Variants in MCM10 observed in about 807,000 individuals in gnomAD.
The protein encoded by MCM10 is minichromosome maintenance 10 replication initiation factor.
In MCM10, 91 loss-of-function variants were observed where a neutral mutation model predicts 109.9. That is an observed-to-expected ratio of 0.83 (90% CI 0.70 to 0.99). The LOEUF (loss-of-function observed/expected upper bound fraction) is 0.99, where lower values mean the gene tolerates loss of function less well. Ranked by LOEUF, MCM10 falls within the 50% of genes least tolerant of loss-of-function variation. The pLI is 0.00. For synonymous variants in MCM10, 380 were observed against 387.2 expected (o/e 0.98, Z 0.22); for missense variants, 1,077 against 1,061.2 (o/e 1.01, Z -0.21).
At chr10:13,163,150 G>A (rs1377944065) in intron 1 of MCM10, among the ~76,000 whole-genome samples, 3 of 151,420 alleles carry the variant, frequency 2.0e-5, no homozygotes, top group Non-Finnish European at 4.4e-5. Flanking sequence ...ACCAGCCTGG[G>A]CAACATGGCG....
At chr10:13,178,795 G>A (rs1834173216) in intron 6 of MCM10, among the ~76,000 whole-genome samples, 1 of 152,190 alleles carries the variant, frequency 6.6e-6, no homozygotes. Context: ...GATTGCTTTG[G>A]ATTGTATGGA....
chr10:13,196,482 G>A (rs1441790338), intron 14 of MCM10, among the ~76,000 whole-genome samples: 1 of 151,462 alleles, frequency 6.6e-6, no homozygotes, highest in Non-Finnish European at 1.5e-5. Context: ...TGATATGTGT[G>A]TGCCATGTAT....
intron 5 of MCM10, among the ~76,000 whole-genome samples, chr10:13,174,769 A>G (rs200564304): frequency 1.3e-5 from 2 of 152,178 alleles, no homozygotes; most frequent in East Asian, 3.9e-4. Flanking sequence ...CTGTAAGTCC[A>G]AGAAATGGTC....
intron 10 of MCM10, among the ~76,000 whole-genome samples, chr10:13,190,819 G>A (rs562274984): frequency 1.3e-5 from 2 of 148,370 alleles, no homozygotes; most frequent in East Asian, 1.9e-4. Flanking sequence ...TTTTTTTCCA[G>A]TGTAAAATAA....
rs1834514415 is a variant in MCM10, at chr10:13,202,571, T to TACC, written c.2352+1042_2352+1044dup. Among the ~76,000 whole-genome samples the TACC allele has an allele frequency of 1.3e-5, 2 of 152,200 alleles. 1 individual carries two copies. The highest frequency in any genetic ancestry group is 3.8e-4 in the East Asian group (2 of 5,198). ...ATTTGGGGGTCAGCTCCAAATCAGC[T>TACC]ACCACCAAAAGTAGGGCTTCCTTGA... On this transcript the variant is annotated intron_variant, in intron 17 of 19. Coordinates refer to ENST00000378714, the MANE Select transcript of MCM10 (RefSeq NM_018518.5).
intron 7 of MCM10, 133 bp downstream of exon 7, chr10:13,180,740 ACAT>A (rs145923723): frequency 0.016 from 16,108 of 1,027,888 alleles, 186 homozygotes; most frequent in Non-Finnish European, 0.021. Flanking sequence ...GAATCACCAC[ACAT>A]CATTGAGTTG....
intron 5 of MCM10, among the ~76,000 whole-genome samples, chr10:13,173,762 C>T (rs1284494831): frequency 6.6e-6 from 1 of 152,124 alleles, no homozygotes; most frequent in Non-Finnish European, 1.5e-5. Context: ...GGACCTTTGG[C>T]ATTACTAGGG....
chr10:13,189,542 C>G (rs981555326), intron 10 of MCM10, among the ~76,000 whole-genome samples: 1 of 152,120 alleles, frequency 6.6e-6, no homozygotes, highest in Non-Finnish European at 1.5e-5. Context: ...AGGCTGGTCT[C>G]GAAATCCTGA....
chr10:13,197,772 T>C lies in MCM10; in HGVS notation c.2119+5T>C. ...ACACCATGTTTTCTTCTCAAGGTAC[T>C]GCAGTTTCACAGTTAACAGTGGGAA... is the stretch of plus-strand genomic sequence containing the variant. On this transcript the variant is annotated splice_donor_5th_base_variant and intron_variant, in intron 15 of 19. Transcript: ENST00000378714. The C allele has an allele frequency of 4.4e-6, 7 of 1,607,354 alleles. No individual in the cohort carries two copies. The highest frequency in any genetic ancestry group is 5.1e-6 in the Non-Finnish European group (6 of 1,178,502).
intron 1 of MCM10, among the ~76,000 whole-genome samples, chr10:13,163,421 G>T (rs181574680): frequency 1.2e-4 from 18 of 152,306 alleles, no homozygotes; most frequent in African/African-American, 4.3e-4. Flanking sequence ...TTAAATAAGA[G>T]CCTAGAAAAA....
At position 13,192,555 on chromosome 10, in the gene MCM10, G is replaced by T; in HGVS notation, c.1732G>T (p.Glu578Ter). Residue 578 changes from glutamate (E) to a stop codon, truncating the protein, a stop_gained, in exon 13 of 20, where the codon GAA (glutamate) becomes TAA (stop). Transcript: ENST00000378714. LOFTEE classifies it high-confidence loss of function. ...GGAGATGAGGAGAAGGAAATCAGAA[G>T]AAATACAGAAGCGGTAAGAGGAGCA... ...MLEMRRRKSE[E>*]IQKRFLQSSS... 6.2e-7 allele frequency: 1 copy of T among 1,614,126 alleles called. No homozygotes were observed. Among genetic ancestry groups the T allele is most frequent in the South Asian group, 1.1e-5 (1 of 91,078 alleles).
intron 16 of MCM10, among the ~76,000 whole-genome samples, chr10:13,200,807 A>G (rs1368120961): frequency 3.3e-5 from 5 of 152,230 alleles, no homozygotes; most frequent in African/African-American, 1.2e-4. Flanking sequence ...TGACATACTG[A>G]TACTGTCATG....
intron 1 of MCM10, among the ~76,000 whole-genome samples, chr10:13,162,325 ATT>A (rs907661874): frequency 3.9e-5 from 6 of 152,092 alleles, no homozygotes; most frequent in African/African-American, 1.4e-4. Flanking sequence ...GGCTTTGTAG[ATT>A]TTTTCTAAGG....
chr10:13,189,068 A>G lies in MCM10; in HGVS notation c.1403A>G (p.Tyr468Cys). The change falls in exon 10 of 20, where the codon TAT (tyrosine) becomes TGT (cysteine). Residue 468 changes from tyrosine to cysteine, a missense_variant. By Grantham distance (194) the Tyr-to-Cys change is radical (BLOSUM62 -2). Transcript: ENST00000378714. ...TACGGAGGGGTTTCTTCTGCCTCGT[A>G]TGCAGCTTCAATGTAAGACGTTCTC... ...FYYGGVSSAS[Y>C]AASIAAAVAP... 6.2e-7 allele frequency: 1 copy of G among 1,614,224 alleles called. No homozygotes were observed.
intron 9 of MCM10, among the ~76,000 whole-genome samples, chr10:13,187,899 C>G (rs1476053092): frequency 6.6e-6 from 1 of 152,122 alleles, no homozygotes; most frequent in African/African-American, 2.4e-5. Context: ...AATCCCTGCA[C>G]TTTGGGTGGC....
In MCM10 at chr10:13,181,823, G is replaced by A. The variant is rs73577676; in HGVS notation, c.931-1110G>A. 3.9e-3 allele frequency among the ~76,000 whole-genome samples: 599 copies of A among 152,168 alleles called. 9 individuals carry two copies. The highest frequency in any genetic ancestry group is 0.014 in the African/African-American group (579 of 41,520). Reference sequence around the variant, plus strand: ...GTAATGACATAATAATAATAGACACGAGAATTTATCTGAACTCTTCCAAGA... The same window carrying A: ...GTAATGACATAATAATAATAGACACAAGAATTTATCTGAACTCTTCCAAGA... On this transcript the variant is annotated intron_variant, in intron 7 of 19. Coordinates refer to ENST00000378714, the MANE Select transcript of MCM10 (RefSeq NM_018518.5).
rs1221575061 is a variant in MCM10 at position 13,172,336 on chromosome 10, T to A, written c.350-40T>A. ...CATTTTTGTCATGTAGAACGTTTTC[T>A]CCTGCCTGGTTCTTAAATTAACATA... is the stretch of plus-strand genomic sequence containing the variant. On this transcript the variant is annotated intron_variant, in intron 3 of 19. Coordinates refer to ENST00000378714, the MANE Select transcript of MCM10 (RefSeq NM_018518.5). The surrounding 1 kb of genome is among the most constrained non-coding windows in gnomAD (Gnocchi z 5.2). 5.9e-6 allele frequency: 9 copies of A among 1,522,218 alleles called. No homozygotes were observed. Among genetic ancestry groups the A allele is most frequent in the Non-Finnish European group, 7.3e-6 (8 of 1,100,074 alleles). The allele number at this position is 1,522,218 out of a possible 1,614,324, so 94.3% of individuals were successfully genotyped here. A position where few individuals can be genotyped will look rare whatever the true frequency, so the allele number is the denominator to read the frequency against.
rs952021359 is a variant in MCM10 at position 13,175,767 on chromosome 10, A to G, written c.764+86A>G. The G allele has an allele frequency of 3.3e-5, 30 of 915,244 alleles. No homozygotes were observed. The Admixed American group carries it at 4.5e-4, about 14-fold the overall frequency. 56.7% of individuals were successfully genotyped at this position (915,244 alleles called of 1,614,324 possible). On this transcript the variant is annotated intron_variant, in intron 6 of 19. Coordinates refer to ENST00000378714, the MANE Select transcript of MCM10 (RefSeq NM_018518.5). ...TCCTTTAGAAGTAGTGTGTTTATAC[A>G]TCAGGATCCACAAAACACCAGCAGC... is the stretch of plus-strand genomic sequence containing the variant.
At position 13,198,913 on chromosome 10, in the gene MCM10, T is replaced by G. The variant is rs939764068; in HGVS notation, c.2238+106T>G. 7 of 770,388 alleles carry G rather than the reference T, an allele frequency of 9.1e-6. No individual in the cohort carries two copies. The African/African-American group carries it at 1.2e-4, about 13-fold the overall frequency. The allele number at this position is 770,388 out of a possible 1,614,324, so 47.7% of individuals were successfully genotyped here. A position where few individuals can be genotyped will look rare whatever the true frequency, so the allele number is the denominator to read the frequency against. ...TGTTGTTTGTTTTATTTTGTTTTTC[T>G]GAGACAGAGTCTCAGTCTGTGGCCC... is the stretch of plus-strand genomic sequence containing the variant. On this transcript the variant is annotated intron_variant, in intron 16 of 19. Transcript: ENST00000378714.
Sources: allele counts gnomAD v4.1 joint callset (sites outside exome capture counted in the v4.1 genomes callset), GRCh38; gene constraint gnomAD v4.1.1; non-coding constraint Gnocchi (gnomAD v3.1); transcripts MANE v1.5; gene names NCBI Gene and HGNC (gene_info 2026-07-23, HGNC 2026-07-21).